The following TDP1 variants were observed in gnomAD, a reference collection of about 807,000 sequenced individuals.
The protein encoded by TDP1 is tyrosyl-DNA phosphodiesterase 1, also known as tyr-DNA phosphodiesterase 1.
Under a neutral mutation model 81.5 loss-of-function variants are expected in TDP1, and 64 were observed. That is an observed-to-expected ratio of 0.79 (90% CI 0.64 to 0.97). The LOEUF (loss-of-function observed/expected upper bound fraction) is 0.97, where lower values mean the gene tolerates loss of function less well. Ranked by LOEUF, TDP1 falls within the 50% of genes least tolerant of loss-of-function variation. TDP1 has a pLI of 0.00. For synonymous variants in TDP1, 256 were observed against 264.3 expected (o/e 0.97, Z 0.30); for missense variants, 723 against 743.8 (o/e 0.97, Z 0.33).
chr14:90,002,261 A>G (rs561094640), intron 14 of TDP1, among the ~76,000 whole-genome samples: 2 of 152,166 alleles, frequency 1.3e-5, no homozygotes, highest in Non-Finnish European at 2.9e-5. Flanking sequence ...CCAGCATATT[A>G]TGGAGGAAAT....
chr14:90,006,294 C>T (rs1897675989), intron 14 of TDP1, among the ~76,000 whole-genome samples: 1 of 152,100 alleles, frequency 6.6e-6, no homozygotes, highest in African/African-American at 2.4e-5. Flanking sequence ...TTTGTTAATA[C>T]ACTGTATCTG....
At chr14:90,004,287 T>C (rs967251612) in intron 14 of TDP1, among the ~76,000 whole-genome samples, 2 of 152,196 alleles carry the variant, frequency 1.3e-5, no homozygotes, top group African/African-American at 2.4e-5. Context: ...CTTTGTACAC[T>C]GGCATTGCTA....
intron 6 of TDP1, 129 bp downstream of exon 6, chr14:89,971,400 A>T: frequency 1.4e-6 from 1 of 736,092 alleles, no homozygotes; most frequent in Non-Finnish European, 2.4e-6. Flanking sequence ...ATATTTGTCT[A>T]GCCTCAGCTT....
chr14:89,993,190 GT>G, intron 13 of TDP1, 185 bp from the exon 14 acceptor site: 1 of 979,744 alleles, frequency 1.0e-6, no homozygotes, highest in Non-Finnish European at 1.2e-6. Flanking sequence ...AAAGTGGGAA[GT>G]TTATAATTCT....
chr14:90,023,202 T>G, intron 15 of TDP1: 3 of 670,552 alleles, frequency 4.5e-6, no homozygotes, highest in Non-Finnish European at 8.1e-6. Flanking sequence ...CCCGGGGGGC[T>G]TGGGAAAGGC....
chr14:89,992,060 T>G (rs1404629441), intron 13 of TDP1, 77 bp downstream of exon 13: 9 of 1,270,046 alleles, frequency 7.1e-6, no homozygotes, highest in Non-Finnish European at 9.1e-6. Flanking sequence ...TTTGTTTTTT[T>G]TTTTAAAAGG....
At chr14:90,018,588 G>C (rs1885593354) in intron 14 of TDP1, among the ~76,000 whole-genome samples, 1 of 152,128 alleles carries the variant, frequency 6.6e-6, no homozygotes, top group Non-Finnish European at 1.5e-5. Context: ...AGCCTTCCAA[G>C]TAGCTAGGAC....
At chr14:89,980,087 A>C in intron 7 of TDP1, 1 of 905,692 alleles carries the variant, frequency 1.1e-6, no homozygotes, top group Non-Finnish European at 1.3e-6. Context: ...CCAAAACAAA[A>C]TTTCATGAAC....
At chr14:90,009,295 T>A (rs909767988) in intron 14 of TDP1, among the ~76,000 whole-genome samples, 11 of 152,192 alleles carry the variant, frequency 7.2e-5, no homozygotes, top group African/African-American at 2.4e-4. Flanking sequence ...TAGGGGCAGA[T>A]ACCTAGCATT....
At chr14:90,009,646 AAAAT>A (rs2140217401) in intron 14 of TDP1, among the ~76,000 whole-genome samples, 1 of 152,386 alleles carries the variant, frequency 6.6e-6, no homozygotes, top group East Asian at 1.9e-4. Flanking sequence ...ATAAGGCAAA[AAAAT>A]AAAAGACATA....
At chr14:89,979,748 C>T (rs1894766023) in intron 7 of TDP1, among the ~76,000 whole-genome samples, 1 of 152,156 alleles carries the variant, frequency 6.6e-6, no homozygotes, top group Non-Finnish European at 1.5e-5. Context: ...AAGTCTGGAG[C>T]TCAGGTCTTC....
At chr14:89,967,707 A>C (rs1893118101) in intron 5 of TDP1, among the ~76,000 whole-genome samples, 1 of 152,218 alleles carries the variant, frequency 6.6e-6, no homozygotes, top group Admixed American at 6.5e-5. Flanking sequence ...CTTAATATGA[A>C]GGAAAATACC....
chr14:89,979,930 G>T (rs1461814275), intron 7 of TDP1, among the ~76,000 whole-genome samples: 2 of 152,144 alleles, frequency 1.3e-5, no homozygotes, highest in African/African-American at 2.4e-5. Context: ...CCCAAGCCCA[G>T]ATAACACACT....
intron 4 of TDP1, 97 bp from the exon 5 acceptor site, chr14:89,967,270 T>G: frequency 7.2e-7 from 1 of 1,383,850 alleles, no homozygotes; most frequent in Non-Finnish European, 1.0e-6. Flanking sequence ...TATCACTATT[T>G]TAGAGTTTCC....
chr14:89,987,727 T>C (rs1434103679), intron 10 of TDP1, among the ~76,000 whole-genome samples: 2 of 152,136 alleles, frequency 1.3e-5, no homozygotes, highest in African/African-American at 4.8e-5. Flanking sequence ...AAAGTTCTGC[T>C]CTGGAGCTTC....
chr14:90,001,383 G>A (rs1261920234), intron 14 of TDP1, among the ~76,000 whole-genome samples: 6 of 152,022 alleles, frequency 3.9e-5, no homozygotes, highest in Admixed American at 1.3e-4. Context: ...TAGTTACCAC[G>A]TCACCAAGAA....
At chr14:89,979,561 A>T (rs1036529663) in intron 7 of TDP1, among the ~76,000 whole-genome samples, 1 of 152,136 alleles carries the variant, frequency 6.6e-6, no homozygotes, top group Non-Finnish European at 1.5e-5. Flanking sequence ...TGCCAGCCTC[A>T]GCCTCCCAAA....
intron 6 of TDP1, 98 bp from the exon 7 acceptor site, chr14:89,975,683 A>T (rs1019960173): frequency 8.3e-5 from 82 of 991,730 alleles, no homozygotes; most frequent in Non-Finnish European, 9.9e-5. Context: ...AAATAGTTTT[A>T]AAAAAAAAAG....
chr14:90,024,216 T>TTA (rs1179806353), intron 15 of TDP1, among the ~76,000 whole-genome samples: 18 of 152,198 alleles, frequency 1.2e-4, no homozygotes, highest in Non-Finnish European at 1.8e-4. Flanking sequence ...TTCCTGGTAC[T>TTA]TACTGTTTAT....
Sources: gnomAD v4.1 joint callset for allele counts (sites outside exome capture counted in the v4.1 genomes callset) on GRCh38, gnomAD v4.1.1 for gene constraint, MANE v1.5 for transcripts, NCBI Gene and HGNC (gene_info 2026-07-23, HGNC 2026-07-21) for gene names.